The following GRID2 variants were observed in gnomAD, a reference collection of about 807,000 sequenced individuals.
The protein encoded by GRID2 is glutamate receptor ionotropic, delta-2.
Under a neutral mutation model 114.8 loss-of-function variants are expected in GRID2, and 33 were observed. The ratio of observed to expected loss-of-function variants is 0.29; its 90% CI spans 0.22 to 0.38. GRID2 has a LOEUF of 0.38. Among genes scored for constraint, GRID2 ranks in the 10% least tolerant of loss-of-function variants. The pLI is 1.00. For missense variants in GRID2, 1,184 were observed against 1,257.7 expected (o/e 0.94, Z 0.89); for synonymous variants, 505 against 449.9 (o/e 1.12, Z -1.55).
At chr4:93,103,477 A>G (rs1269542194) in intron 3 of GRID2, among the ~76,000 whole-genome samples, 1 of 152,112 alleles carries the variant, frequency 6.6e-6, no homozygotes, top group Admixed American at 6.6e-5. Context: ...TGTGTTTGCT[A>G]TCTTTTTATC....
At chr4:93,228,829 G>T (rs1329211724) in intron 7 of GRID2, among the ~76,000 whole-genome samples, 1 of 152,152 alleles carries the variant, frequency 6.6e-6, no homozygotes, top group Non-Finnish European at 1.5e-5. Flanking sequence ...TTAGGAGGTT[G>T]CTTAGAAAAC....
chr4:93,472,673 A>C (rs556702397), intron 11 of GRID2, among the ~76,000 whole-genome samples: 1 of 152,072 alleles, frequency 6.6e-6, no homozygotes, highest in South Asian at 2.1e-4. Context: ...ACTAGAGAAA[A>C]TGTTAGGGGC....
At chr4:92,327,675 C>T (rs1422449261) in intron 1 of GRID2, among the ~76,000 whole-genome samples, 3 of 151,866 alleles carry the variant, frequency 2.0e-5, no homozygotes, top group Non-Finnish European at 4.4e-5. Flanking sequence ...AGAAATATTT[C>T]AACTGTTATA....
chr4:92,934,158 C>T (rs992498857), intron 2 of GRID2, among the ~76,000 whole-genome samples: 9 of 151,728 alleles, frequency 5.9e-5, no homozygotes, highest in Non-Finnish European at 1.0e-4. Flanking sequence ...ATTCTTCCTA[C>T]CCATGAGCGT....
In GRID2 at chr4:93,262,843, G is replaced by A. The variant is rs1307697553; in HGVS notation, c.1245+24353G>A. 6.6e-5 allele frequency among the ~76,000 whole-genome samples: 10 copies of A among 151,462 alleles called. 1 individual carries two copies. Among genetic ancestry groups the A allele is most frequent in the Middle Eastern group, 3.2e-3 (1 of 312 alleles). ...ATAGATTTCTAAAAAAAATGAAATC[G>A]CTATACTAAAGTCTGTAGCATTCTA... On this transcript the variant is annotated intron_variant, in intron 8 of 15. Transcript: ENST00000282020.
At chr4:93,525,609 C>T (rs1254871876) in intron 13 of GRID2, among the ~76,000 whole-genome samples, 1 of 152,134 alleles carries the variant, frequency 6.6e-6, no homozygotes, top group Non-Finnish European at 1.5e-5. Flanking sequence ...ATTGTGGAAA[C>T]AGAATTTATT....
At chr4:92,345,321 G>A (rs552568546) in intron 1 of GRID2, among the ~76,000 whole-genome samples, 1 of 152,224 alleles carries the variant, frequency 6.6e-6, no homozygotes. Flanking sequence ...GTATTCCATA[G>A]TGTGTCTATA....
intron 8 of GRID2, among the ~76,000 whole-genome samples, chr4:93,256,127 T>C (rs1383681075): frequency 2.0e-5 from 3 of 152,118 alleles, no homozygotes; most frequent in Non-Finnish European, 2.9e-5. Flanking sequence ...ATATTTTATG[T>C]AATATTTAAC....
At chr4:92,983,955 T>C (rs923728610) in intron 2 of GRID2, among the ~76,000 whole-genome samples, 8 of 152,162 alleles carry the variant, frequency 5.3e-5, no homozygotes, top group Non-Finnish European at 1.0e-4. Flanking sequence ...GGACAGAGAC[T>C]GGGATTTTGT....
At chr4:92,307,852 C>T (rs1725488684) in intron 1 of GRID2, among the ~76,000 whole-genome samples, 1 of 152,128 alleles carries the variant, frequency 6.6e-6, no homozygotes, top group African/African-American at 2.4e-5. Flanking sequence ...GGTCTTTTGA[C>T]ATATAAAAAC....
intron 12 of GRID2, among the ~76,000 whole-genome samples, chr4:93,511,692 A>T (rs557537773): frequency 6.6e-6 from 1 of 152,252 alleles, no homozygotes; most frequent in Non-Finnish European, 1.5e-5. Flanking sequence ...AGGTAGAGAA[A>T]CAGAGTATAC....
chr4:93,434,356 G>A (rs971036300), intron 10 of GRID2, among the ~76,000 whole-genome samples: 5 of 151,996 alleles, frequency 3.3e-5, no homozygotes. Flanking sequence ...TGTAAATGTC[G>A]AGTTAATGGT....
chr4:92,477,428 G>A (rs1200707867), intron 1 of GRID2, among the ~76,000 whole-genome samples: 3 of 151,822 alleles, frequency 2.0e-5, no homozygotes, highest in South Asian at 2.1e-4. Context: ...TACTACTGTC[G>A]TGGTTCACTC....
At chr4:92,560,502 A>G (rs777007716) in intron 1 of GRID2, among the ~76,000 whole-genome samples, 7 of 152,154 alleles carry the variant, frequency 4.6e-5, no homozygotes, top group Non-Finnish European at 1.0e-4. Flanking sequence ...TACATTGAGG[A>G]TGAACTGCAA....
At chr4:92,912,292 G>C (rs1392263401) in intron 2 of GRID2, among the ~76,000 whole-genome samples, 1 of 151,796 alleles carries the variant, frequency 6.6e-6, no homozygotes, top group African/African-American at 2.4e-5. Context: ...AAAAGGTCAA[G>C]AAGCTAAACA....
chr4:93,158,938 T>C (rs912195601), intron 4 of GRID2, among the ~76,000 whole-genome samples: 6 of 146,350 alleles, frequency 4.1e-5, no homozygotes, highest in Non-Finnish European at 7.7e-5. Flanking sequence ...AAATGTTACA[T>C]TTAAAAACCA....
rs558967251 is a variant in GRID2, at chr4:92,654,596, A to G, written c.244+64310A>G. 3.9e-5 allele frequency among the ~76,000 whole-genome samples: 6 copies of G among 152,094 alleles called. No individual in the cohort carries two copies. In the East Asian group the frequency reaches 1.2e-3, roughly 29 times the overall value. ...TGTTATTGTTTGTTTATTTAATAAT[A>G]GCTATTCTGACTTGGGTGAAGTGAT... On this transcript the variant is annotated intron_variant, in intron 2 of 15. Transcript: ENST00000282020.
chr4:93,307,724 A>T (rs1447943065), intron 8 of GRID2, among the ~76,000 whole-genome samples: 2 of 152,328 alleles, frequency 1.3e-5, no homozygotes, highest in East Asian at 3.9e-4. Context: ...CCAAATTGCC[A>T]ATAATTCCAT....
In GRID2 at chr4:93,490,726, C is replaced by T. The variant is rs150683134; in HGVS notation, c.1946C>T (p.Thr649Met). 1.4e-4 allele frequency: 225 copies of T among 1,609,998 alleles called. No individual in the cohort carries two copies. Among genetic ancestry groups the T allele is most frequent in the Non-Finnish European group, 1.8e-4 (206 of 1,177,008 alleles). Residue 649 changes from threonine to methionine, a missense_variant, in exon 12 of 16, where the codon ACG becomes ATG. Physicochemically the swap from Thr to Met is moderately conservative, Grantham distance 81. Around this residue, in one of 3 missense-constraint regions of GRID2, gnomAD observed 717 missense variants for 796.9 expected, o/e 0.90. Coordinates refer to ENST00000282020, the MANE Select transcript of GRID2 (RefSeq NM_001510.4). ...LFALIVISSYTANLAAFLTIT... is the reference protein window; with the variant it reads ...LFALIVISSYMANLAAFLTIT... The stretch of plus-strand genomic sequence containing the variant: ...GCTTTGATTGTTATCTCATCTTACA[C>T]GGCAAACCTCGCTGCTTTCCTCACT...
Sources: gnomAD v4.1 joint callset for allele counts (sites outside exome capture counted in the v4.1 genomes callset) on GRCh38, gnomAD v4.1.1 for gene constraint, gnomAD v4.1.1 regional missense constraint, MANE v1.5 for transcripts, NCBI Gene and HGNC (gene_info 2026-07-23, HGNC 2026-07-21) for gene names.